Variants in FNIP1 observed in about 807,000 individuals in gnomAD.
FNIP1 encodes folliculin-interacting protein 1.
FNIP1 carries 40 observed loss-of-function variants against 124.5 expected under a neutral mutation model. The ratio of observed to expected loss-of-function variants is 0.32; its 90% CI spans 0.25 to 0.42. The LOEUF is 0.42. FNIP1 is among the 10% of genes least tolerant of loss of function. The pLI is 1.00. For synonymous variants in FNIP1, 472 were observed against 470.6 expected, an observed-to-expected ratio of 1.00 and a Z score of -0.04; for missense variants, 1,176 against 1,403.7, an observed-to-expected ratio of 0.84 and a Z score of 2.59.
chr5:131,668,173 A>G (rs1293087219), intron 15 of FNIP1, among the ~76,000 whole-genome samples: 4 of 152,250 alleles, frequency 2.6e-5, no homozygotes, highest in African/African-American at 9.6e-5. Flanking sequence ...TTCAAGTGCC[A>G]TAAAACAGTC....
intron 1 of FNIP1, among the ~76,000 whole-genome samples, chr5:131,784,986 C>CATATATATATGACT (rs1561707285): frequency 7.2e-6 from 1 of 137,980 alleles, no homozygotes; most frequent in Non-Finnish European, 1.5e-5. Context: ...ATATATATAT[C>CATATATATATGACT]ATATATATAT....
intron 1 of FNIP1, among the ~76,000 whole-genome samples, chr5:131,764,078 G>A (rs764922324): frequency 5.9e-5 from 9 of 151,848 alleles, no homozygotes; most frequent in Non-Finnish European, 8.8e-5. Context: ...CGTGTGGTAC[G>A]CCCCCTTGCC....
intron 15 of FNIP1, among the ~76,000 whole-genome samples, chr5:131,663,163 A>T (rs1767494627): frequency 6.6e-6 from 1 of 152,248 alleles, no homozygotes; most frequent in Non-Finnish European, 1.5e-5. Context: ...TACCTCTAGT[A>T]AAAGGATTCA....
At chr5:131,723,739 TG>T (rs1359985883) in intron 3 of FNIP1, among the ~76,000 whole-genome samples, 5 of 152,228 alleles carry the variant, frequency 3.3e-5, no homozygotes, top group Non-Finnish European at 7.3e-5. Context: ...TTTTTAGTTC[TG>T]GGATACATGT....
At chr5:131,791,014 A>T (rs1772390532) in intron 1 of FNIP1, among the ~76,000 whole-genome samples, 1 of 152,244 alleles carries the variant, frequency 6.6e-6, no homozygotes, top group South Asian at 2.1e-4. Flanking sequence ...TCCATTGGCC[A>T]AATATGAGAC....
rs145470765 is a variant in FNIP1, at chr5:131,738,055, T to C, written c.219+6509A>G. ...AAAGGAAAGACCTGAAATCTCAGTA[T>C]AGGTTTTTTTGCTTTTCTTTTTTTT... On this transcript the variant is annotated intron_variant, in intron 2 of 17. Coordinates refer to ENST00000510461, the MANE Select transcript of FNIP1 (RefSeq NM_133372.3). 2.6e-5 allele frequency among the ~76,000 whole-genome samples: 4 copies of C among 152,276 alleles called. 1 individual carries two copies. The East Asian group carries it at 7.7e-4, about 29-fold the overall frequency.
chr5:131,665,166 T>C (rs547795636), intron 15 of FNIP1, among the ~76,000 whole-genome samples: 1 of 152,222 alleles, frequency 6.6e-6, no homozygotes, highest in South Asian at 2.1e-4. Context: ...ATTACTTTCA[T>C]TATAGCCAAA....
intron 6 of FNIP1, among the ~76,000 whole-genome samples, chr5:131,712,856 C>A (rs181926658): frequency 6.8e-4 from 104 of 151,930 alleles, no homozygotes; most frequent in African/African-American, 2.5e-3. Context: ...CTGAGTCGTC[C>A]CATTCTGATG....
Position 131,775,597 on chromosome 5 carries a change from G to A in FNIP1, c.92+21233C>T, listed in dbSNP as rs563403844. 1.6e-4 allele frequency among the ~76,000 whole-genome samples: 23 copies of A among 147,628 alleles called. No homozygotes were observed. In the East Asian group the frequency reaches 2.6e-3, roughly 17 times the overall value. ...GGCTGGAGTGAAGTGGCGCACTCTC[G>A]GCTCAATGCAACCTCTGCCCCCCGG... On this transcript the variant is annotated intron_variant, in intron 1 of 17. Transcript: ENST00000510461.
At chr5:131,759,826 T>C (rs1771166366) in intron 1 of FNIP1, among the ~76,000 whole-genome samples, 1 of 152,074 alleles carries the variant, frequency 6.6e-6, no homozygotes, top group African/African-American at 2.4e-5. Flanking sequence ...AACAAAGACA[T>C]GGAATAAACC....
At position 131,725,308 on chromosome 5, in the gene FNIP1, C is replaced by T. The variant is rs190875181; in HGVS notation, c.354+5596G>A. On this transcript the variant is annotated intron_variant, in intron 3 of 17. Transcript: ENST00000510461. ...ACTATAGGCATGATAGCCATTTTCA[C>T]GATACTGATTCTTCCTATCCATAAG... 4.3e-4 allele frequency among the ~76,000 whole-genome samples: 65 copies of T among 152,268 alleles called. 1 individual carries two copies. The highest frequency in any genetic ancestry group is 1.4e-3 in the African/African-American group (58 of 41,562).
chr5:131,675,367 G>C (rs985972467), intron 13 of FNIP1, among the ~76,000 whole-genome samples: 1 of 152,134 alleles, frequency 6.6e-6, no homozygotes, highest in Non-Finnish European at 1.5e-5. Context: ...TCGACTTCTT[G>C]AGGGCAATTT....
intron 13 of FNIP1, among the ~76,000 whole-genome samples, chr5:131,677,228 T>C (rs143457852): frequency 6.6e-6 from 1 of 152,308 alleles, no homozygotes; most frequent in Non-Finnish European, 1.5e-5. Context: ...TTATCAACCA[T>C]CTACTCTCCC....
chr5:131,783,380 C>A (rs1772058873), intron 1 of FNIP1, among the ~76,000 whole-genome samples: 1 of 149,872 alleles, frequency 6.7e-6, no homozygotes, highest in South Asian at 2.1e-4. Context: ...CTTCACCCCC[C>A]AAAAAATGAA....
chr5:131,678,122 G>A (rs26010), intron 12 of FNIP1, among the ~76,000 whole-genome samples: 96,679 of 152,006 alleles, frequency 0.64, 32,798 homozygotes, highest in Non-Finnish European at 0.77. Context: ...ATTGCAGATC[G>A]TAAGTACAAA....
intron 11 of FNIP1, among the ~76,000 whole-genome samples, chr5:131,688,873 C>A (rs1426203067): frequency 2.0e-5 from 3 of 151,418 alleles, no homozygotes; most frequent in Admixed American, 6.6e-5. Flanking sequence ...AGCTGTGGTA[C>A]AATTACAAAA....
intron 1 of FNIP1, among the ~76,000 whole-genome samples, chr5:131,786,132 CT>C (rs1410760908): frequency 1.3e-5 from 2 of 152,126 alleles, no homozygotes; most frequent in African/African-American, 4.8e-5. Context: ...GAATGAATAA[CT>C]TTAGGCAAGC....
chr5:131,701,859 C>T (rs1046127330), intron 10 of FNIP1, among the ~76,000 whole-genome samples: 1 of 152,194 alleles, frequency 6.6e-6, no homozygotes, highest in African/African-American at 2.4e-5. Context: ...AACTCCCTGG[C>T]AAGCACGCTA....
intron 6 of FNIP1, among the ~76,000 whole-genome samples, chr5:131,713,438 C>T (rs972644867): frequency 8.5e-5 from 13 of 152,186 alleles, no homozygotes; most frequent in African/African-American, 2.9e-4. Flanking sequence ...ATCCTCCATT[C>T]CCGTGCTTTC....
Sources: gnomAD v4.1 joint callset for allele counts (sites outside exome capture counted in the v4.1 genomes callset) on GRCh38, gnomAD v4.1.1 for gene constraint, MANE v1.5 for transcripts, NCBI Gene and HGNC (gene_info 2026-07-23, HGNC 2026-07-21) for gene names.